Variants in ARHGEF11 observed in about 807,000 individuals in gnomAD.
ARHGEF11 encodes Rho guanine nucleotide exchange factor 11.
In ARHGEF11, 55 loss-of-function variants were observed where a neutral mutation model predicts 193.7. The observed-to-expected ratio is 0.28, with a 90% confidence interval of 0.23 to 0.36. The LOEUF (loss-of-function observed/expected upper bound fraction) is 0.36, where lower values mean the gene tolerates loss of function less well. ARHGEF11 is among the 10% of genes least tolerant of loss of function. The probability of loss-of-function intolerance (pLI) is 1.00; values close to 1 mark genes in which losing one functional copy is unlikely to be tolerated. For missense variants in ARHGEF11, 1,723 were observed against 2,005.6 expected, an observed-to-expected ratio of 0.86 and a Z score of 2.69; for synonymous variants, 693 against 768.0, an observed-to-expected ratio of 0.90 and a Z score of 1.62.
Position 156,947,535 on chromosome 1 carries a change from C to T in ARHGEF11, c.2342-85G>A. 5.5e-6 allele frequency: 8 copies of T among 1,447,048 alleles called. 1 individual carries two copies. The South Asian group carries it at 5.8e-5, about 11-fold the overall frequency. 89.6% of individuals were successfully genotyped at this position (1,447,048 alleles called of 1,614,324 possible). A position where few individuals can be genotyped will look rare whatever the true frequency, so the allele number is the denominator to read the frequency against. ...TCTAGAGTCCCTGACCTGGTTCCCA[C>T]ACCACTCTATTTTTGGGGGAACTGA... On this transcript the variant is annotated intron_variant, in intron 25 of 40. Coordinates refer to ENST00000368194, the MANE Select transcript of ARHGEF11 (RefSeq NM_198236.3).
rs776551581 is a variant in ARHGEF11, at chr1:156,946,804, G to A, written c.2569-17C>T. On this transcript the variant is annotated splice_polypyrimidine_tract_variant and intron_variant, in intron 27 of 40. Coordinates refer to ENST00000368194, the MANE Select transcript of ARHGEF11 (RefSeq NM_198236.3). ...GCCATCAAACTGAAGAGGCAGAATGGACACGGGGCCAGGCATCAAACCCCT... is the reference window on the plus strand; with the variant it reads ...GCCATCAAACTGAAGAGGCAGAATGAACACGGGGCCAGGCATCAAACCCCT... 9.3e-6 allele frequency: 15 copies of A among 1,614,054 alleles called. No individual in the cohort carries two copies. The Admixed American group carries it at 1.8e-4, about 20-fold the overall frequency.
intron 1 of ARHGEF11, among the ~76,000 whole-genome samples, chr1:157,010,728 C>T (rs1017360881): frequency 1.3e-5 from 2 of 152,264 alleles, no homozygotes; most frequent in South Asian, 2.1e-4. Flanking sequence ...TATTTCTATA[C>T]ACTAGCAGTG....
chr1:157,012,757 A>G (rs891440586), intron 1 of ARHGEF11, among the ~76,000 whole-genome samples: 1 of 152,196 alleles, frequency 6.6e-6, no homozygotes, highest in Non-Finnish European at 1.5e-5. Flanking sequence ...ACTTCACAGC[A>G]TTGCTGTTGA....
In ARHGEF11 at chr1:156,986,075, A is replaced by G; in HGVS notation, c.124+7T>C. ...TGTTTTTGTATGTTAATGCCCAAGG[A>G]GGTTACCTGTTGTCTCAGAGGCATC... On this transcript the variant is annotated splice_region_variant and intron_variant, in intron 2 of 40. Transcript: ENST00000368194. 6.2e-7 allele frequency: 1 copy of G among 1,611,548 alleles called. No homozygotes were observed. Among genetic ancestry groups the G allele is most frequent in the Non-Finnish European group, 8.5e-7 (1 of 1,177,850 alleles).
intron 1 of ARHGEF11, among the ~76,000 whole-genome samples, chr1:157,037,709 G>A (rs1257500994): frequency 6.6e-6 from 1 of 151,990 alleles, no homozygotes; most frequent in Non-Finnish European, 1.5e-5. Flanking sequence ...ATTTTGTGTT[G>A]CTTTGTTAAT....
intron 1 of ARHGEF11, among the ~76,000 whole-genome samples, chr1:157,021,613 C>T (rs1030482625): frequency 3.9e-5 from 6 of 152,076 alleles, no homozygotes; most frequent in African/African-American, 1.4e-4. Flanking sequence ...GTTATAGATG[C>T]TAAACGAGAG....
intron 3 of ARHGEF11, among the ~76,000 whole-genome samples, chr1:156,981,781 G>C (rs1243956884): frequency 6.6e-6 from 1 of 152,180 alleles, no homozygotes; most frequent in Non-Finnish European, 1.5e-5. Context: ...AGCCTCACAA[G>C]ATAGTTTTAA....
chr1:156,965,089 C>T (rs978136352), intron 11 of ARHGEF11, among the ~76,000 whole-genome samples: 2 of 152,174 alleles, frequency 1.3e-5, no homozygotes, highest in Admixed American at 1.3e-4. Context: ...TCTTCCTATG[C>T]TGTTATTAAC....
intron 1 of ARHGEF11, among the ~76,000 whole-genome samples, chr1:156,993,574 G>C (rs1444848830): frequency 6.6e-6 from 1 of 152,118 alleles, no homozygotes; most frequent in Non-Finnish European, 1.5e-5. Flanking sequence ...AGAGACAAGA[G>C]ACACCCTACC....
At position 156,958,725 on chromosome 1, in the gene ARHGEF11, G is replaced by C. The variant is rs1660325245; in HGVS notation, c.1502+17C>G. 1.9e-6 allele frequency: 3 copies of C among 1,613,992 alleles called. No individual in the cohort carries two copies. The Admixed American group carries it at 5.0e-5, about 27-fold the overall frequency. ...CTTAGGATGTTCAGTGGGGTGGGAGGAAGCTGAAAGACTCACAAAATATCT... is the reference window on the plus strand; with the variant it reads ...CTTAGGATGTTCAGTGGGGTGGGAGCAAGCTGAAAGACTCACAAAATATCT... On this transcript the variant is annotated intron_variant, in intron 17 of 40. Transcript: ENST00000368194.
chr1:157,029,261 T>TTTG (rs3082842), intron 1 of ARHGEF11, among the ~76,000 whole-genome samples: 26,738 of 150,210 alleles, frequency 0.18, 2,940 homozygotes, highest in East Asian at 0.44. Context: ...TTTGGTGGTT[T>TTTG]TTGTTGTTGT....
chr1:156,963,791 G>T, intron 11 of ARHGEF11, 197 bp from the exon 12 acceptor site: 1 of 1,420,110 alleles, frequency 7.0e-7, no homozygotes, highest in Non-Finnish European at 9.1e-7. Flanking sequence ...AACTGCTTCT[G>T]GGTGGGGCAG....
intron 29 of ARHGEF11, 148 bp downstream of exon 29, chr1:156,945,897 C>T: frequency 1.6e-6 from 1 of 626,758 alleles, no homozygotes; most frequent in Non-Finnish European, 2.8e-6. Context: ...CAATCATTTT[C>T]TTCTCTGAAA....
chr1:157,012,484 A>G (rs995561705), intron 1 of ARHGEF11, among the ~76,000 whole-genome samples: 11 of 152,336 alleles, frequency 7.2e-5, no homozygotes, highest in African/African-American at 2.6e-4. Context: ...TATGTGCAAT[A>G]TATTTCAAAA....
At chr1:157,031,568 TG>T (rs1416521731) in intron 1 of ARHGEF11, among the ~76,000 whole-genome samples, 2 of 152,194 alleles carry the variant, frequency 1.3e-5, no homozygotes, top group East Asian at 3.8e-4. Flanking sequence ...GCCATTGGTC[TG>T]GAGAACCTGG....
Position 156,947,884 on chromosome 1 carries a change from G to A in ARHGEF11, c.2226C>T (p.Gly742=), listed in dbSNP as rs1239895572. The change falls in exon 25 of 41, where the codon GGC becomes GGT. Residue 742 remains glycine, a synonymous_variant. Transcript: ENST00000368194. ...LLPHLLEDDL[G]QLSDLEPEPD... ...GCTCTGGCTCCAGGTCAGACAGCTG[G>A]CCCAGATCATCCTCTAGGAGGTGGG... 1 of 1,614,140 alleles carries A rather than the reference G, an allele frequency of 6.2e-7. No homozygotes were observed. Among genetic ancestry groups the A allele is most frequent in the Non-Finnish European group, 8.5e-7 (1 of 1,180,028 alleles).
chr1:157,035,820 G>A (rs1233146828), intron 1 of ARHGEF11, among the ~76,000 whole-genome samples: 2 of 102 alleles, frequency 0.02, no homozygotes, highest in East Asian at 0.17. Flanking sequence ...ATATATATAG[G>A]AATATATATA....
intron 21 of ARHGEF11, among the ~76,000 whole-genome samples, chr1:156,954,200 T>C (rs1205978219): frequency 6.6e-6 from 1 of 151,570 alleles, no homozygotes; most frequent in Admixed American, 6.6e-5. Context: ...GCCAATATGG[T>C]GAAACCCCAT....
At chr1:157,022,539 A>C (rs941741878) in intron 1 of ARHGEF11, among the ~76,000 whole-genome samples, 2 of 152,236 alleles carry the variant, frequency 1.3e-5, no homozygotes, top group African/African-American at 4.8e-5. Flanking sequence ...AAATAAATAG[A>C]AAGACATCCA....
Sources: gnomAD v4.1 joint callset for allele counts (sites outside exome capture counted in the v4.1 genomes callset) on GRCh38, gnomAD v4.1.1 for gene constraint, MANE v1.5 for transcripts, NCBI Gene and HGNC (gene_info 2026-07-23, HGNC 2026-07-21) for gene names.